KSR2: variants seen among roughly 807,000 people sequenced by gnomAD.
KSR2 encodes kinase suppressor of ras 2.
Under a neutral mutation model 107.8 loss-of-function variants are expected in KSR2, and 25 were observed. The observed-to-expected ratio is 0.23, with a 90% CI of 0.17 to 0.32. The LOEUF is 0.32. Ranked by LOEUF, KSR2 falls within the 10% of genes least tolerant of loss-of-function variation. The pLI is 1.00. For synonymous variants in KSR2, 480 were observed against 507.0 expected (o/e 0.95, Z 0.71); for missense variants, 887 against 1,268.9 (o/e 0.70, Z 4.57).
At chr12:117,742,927 G>C (rs1888276447) in intron 4 of KSR2, among the ~76,000 whole-genome samples, 1 of 152,180 alleles carries the variant, frequency 6.6e-6, no homozygotes, top group South Asian at 2.1e-4. Flanking sequence ...GCTGTGGTCA[G>C]GATGTGAGTG....
intron 7 of KSR2, among the ~76,000 whole-genome samples, chr12:117,573,877 T>C (rs1220499628): frequency 6.6e-6 from 1 of 152,128 alleles, no homozygotes; most frequent in Non-Finnish European, 1.5e-5. Context: ...ATTTACTGGA[T>C]GAATTTGCTG....
intron 14 of KSR2, among the ~76,000 whole-genome samples, chr12:117,518,087 C>A (rs1360093404): frequency 6.6e-6 from 1 of 152,100 alleles, no homozygotes; most frequent in African/African-American, 2.4e-5. Flanking sequence ...GCAAATGAGG[C>A]CCCATGGGAT....
intron 1 of KSR2, among the ~76,000 whole-genome samples, chr12:117,954,761 A>G (rs1030117831): frequency 1.1e-4 from 17 of 152,118 alleles, no homozygotes; most frequent in African/African-American, 4.1e-4. Flanking sequence ...CACACCTATA[A>G]TCCCAGCACT....
rs560249515 is a variant in KSR2, at chr12:117,458,262, T to C, written c.*8937A>G. The C allele has an allele frequency of 5.1e-4, 77 of 152,336 alleles. No homozygotes were observed. Among genetic ancestry groups the C allele is most frequent in the African/African-American group, 1.8e-3 (75 of 41,584 alleles). 9.4% of individuals were successfully genotyped at this position (152,336 alleles called of 1,614,324 possible). A position where few individuals can be genotyped will look rare whatever the true frequency, so the allele number is the denominator to read the frequency against. ...CCTCTCTTCTACCTTGTTCATCCTG[T>C]CGCCCACCACTCAGAAAAGGCCTCT... On this transcript the variant is annotated 3_prime_UTR_variant, in exon 20 of 20. Coordinates refer to ENST00000339824, the MANE Select transcript of KSR2 (RefSeq NM_173598.6).
intron 4 of KSR2, among the ~76,000 whole-genome samples, chr12:117,727,343 C>G (rs1312066807): frequency 6.6e-6 from 1 of 151,860 alleles, no homozygotes; most frequent in East Asian, 1.9e-4. Flanking sequence ...CCACTACACT[C>G]CAGCCTGGGT....
intron 4 of KSR2, among the ~76,000 whole-genome samples, chr12:117,676,237 A>T (rs1242909591): frequency 1.3e-5 from 2 of 152,126 alleles, no homozygotes; most frequent in African/African-American, 2.4e-5. Context: ...TTCTGGCTGG[A>T]GCACTCCCCA....
intron 1 of KSR2, among the ~76,000 whole-genome samples, chr12:117,865,206 G>A (rs1022493507): frequency 2.6e-5 from 4 of 152,174 alleles, no homozygotes; most frequent in African/African-American, 9.7e-5. Context: ...GCAAGATAAT[G>A]TACTTTTAAT....
At chr12:117,526,357 G>A (rs148189427) in intron 13 of KSR2, among the ~76,000 whole-genome samples, 30 of 152,284 alleles carry the variant, frequency 2.0e-4, no homozygotes, top group Middle Eastern at 3.4e-3. Context: ...CAGGGCCAGC[G>A]GGGATTCCCA....
At chr12:117,482,775 G>A (rs1160632448) in intron 16 of KSR2, among the ~76,000 whole-genome samples, 1 of 152,190 alleles carries the variant, frequency 6.6e-6, no homozygotes, top group African/African-American at 2.4e-5. Flanking sequence ...TCCACCTCAG[G>A]GACAAGCCAC....
At chr12:117,497,392 C>A (rs576951040) in intron 14 of KSR2, among the ~76,000 whole-genome samples, 1 of 152,214 alleles carries the variant, frequency 6.6e-6, no homozygotes, top group African/African-American at 2.4e-5. Flanking sequence ...AGCAGGGGCC[C>A]CCTTCCCACT....
At chr12:117,581,067 C>T (rs930140166) in intron 6 of KSR2, among the ~76,000 whole-genome samples, 8 of 152,304 alleles carry the variant, frequency 5.3e-5, no homozygotes, top group African/African-American at 1.9e-4. Flanking sequence ...AAGGCCTGAC[C>T]ATTGACGTGT....
At chr12:117,887,719 T>C (rs757456041) in intron 1 of KSR2, among the ~76,000 whole-genome samples, 1 of 152,156 alleles carries the variant, frequency 6.6e-6, no homozygotes, top group Non-Finnish European at 1.5e-5. Context: ...CCTGGTAGGG[T>C]TGAGATGGCT....
intron 1 of KSR2, among the ~76,000 whole-genome samples, chr12:117,905,877 GA>G (rs199987767): frequency 0.014 from 1,723 of 123,554 alleles, 36 homozygotes; most frequent in East Asian, 0.092. Context: ...CCATGATCTG[GA>G]AAAAAAAAAA....
At chr12:117,487,809 G>C (rs1872545942) in intron 14 of KSR2, among the ~76,000 whole-genome samples, 1 of 152,122 alleles carries the variant, frequency 6.6e-6, no homozygotes, top group African/African-American at 2.4e-5. Context: ...CCCTTCAGCA[G>C]CTGCTGAAGT....
intron 5 of KSR2, among the ~76,000 whole-genome samples, chr12:117,596,484 G>A (rs959703218): frequency 7.2e-5 from 11 of 152,106 alleles, no homozygotes; most frequent in African/African-American, 2.4e-4. Flanking sequence ...CTGCCATAAC[G>A]CACCAACGAA....
At chr12:117,800,791 C>T (rs938420286) in intron 3 of KSR2, among the ~76,000 whole-genome samples, 13 of 152,030 alleles carry the variant, frequency 8.6e-5, no homozygotes, top group African/African-American at 2.9e-4. Flanking sequence ...TGATGTTCCC[C>T]TCCCTGTGTT....
rs964017521 is a variant in KSR2, at chr12:117,465,615, G to A, written c.*1584C>T. On this transcript the variant is annotated 3_prime_UTR_variant, in exon 20 of 20. Coordinates refer to ENST00000339824, the MANE Select transcript of KSR2 (RefSeq NM_173598.6). Reference sequence around the variant, plus strand: ...ATTTGGATTTTGAAAGTAAGATCAGGTAGGGTTTTTGAAGTTCCAGTTCCT... The same window carrying A: ...ATTTGGATTTTGAAAGTAAGATCAGATAGGGTTTTTGAAGTTCCAGTTCCT... 2 of 152,262 alleles carry A rather than the reference G, an allele frequency of 1.3e-5. No homozygotes were observed. Among genetic ancestry groups the A allele is most frequent in the African/African-American group, 4.8e-5 (2 of 41,434 alleles). The allele number at this position is 152,262 out of a possible 1,614,324, so 9.4% of individuals were successfully genotyped here.
chr12:117,469,273 G>C (rs1316060083), intron 19 of KSR2, among the ~76,000 whole-genome samples: 1 of 152,206 alleles, frequency 6.6e-6, no homozygotes, highest in Non-Finnish European at 1.5e-5. Context: ...GGGGCAGGCT[G>C]CTGGCTCAGA....
intron 4 of KSR2, among the ~76,000 whole-genome samples, chr12:117,734,951 G>A (rs957945338): frequency 2.0e-5 from 3 of 152,150 alleles, no homozygotes; most frequent in Non-Finnish European, 2.9e-5. Context: ...CTATCATGCC[G>A]AAGCCACACA....
Sources: gnomAD v4.1 joint callset for allele counts (sites outside exome capture counted in the v4.1 genomes callset) on GRCh38, gnomAD v4.1.1 for gene constraint, MANE v1.5 for transcripts, NCBI Gene and HGNC (gene_info 2026-07-23, HGNC 2026-07-21) for gene names.